Variants in VPS13B observed in about 807,000 individuals in gnomAD.
VPS13B encodes vacuolar protein sorting 13 homolog B, also known as intermembrane lipid transfer protein VPS13B.
A neutral mutation model predicts 426.4 loss-of-function variants in VPS13B; 285 were observed. The observed-to-expected ratio is 0.67, with a 90% CI of 0.61 to 0.74. The LOEUF is 0.74. Among genes scored for constraint, VPS13B ranks in the 30% least tolerant of loss-of-function variants. The pLI, the probability that VPS13B is intolerant of heterozygous loss-of-function variation, is 0.00. For synonymous variants in VPS13B, 1,676 were observed against 1,676.4 expected (o/e 1.00, Z 0.01); for missense variants, 4,537 against 4,782.6 (o/e 0.95, Z 1.51).
chr8:99,086,746 T>C (rs1019162669), intron 3 of VPS13B, among the ~76,000 whole-genome samples: 1 of 152,254 alleles, frequency 6.6e-6, no homozygotes, highest in African/African-American at 2.4e-5. Flanking sequence ...TGCCTGGGTA[T>C]CAGCAGCGGA....
At chr8:99,217,690 G>T (rs184301937) in intron 17 of VPS13B, among the ~76,000 whole-genome samples, 1 of 152,132 alleles carries the variant, frequency 6.6e-6, no homozygotes, top group Admixed American at 6.5e-5. Flanking sequence ...AAAGACACAT[G>T]AGTTGATTCC....
intron 23 of VPS13B, among the ~76,000 whole-genome samples, chr8:99,462,782 T>A (rs1818907215): frequency 6.6e-6 from 1 of 152,150 alleles, no homozygotes; most frequent in Non-Finnish European, 1.5e-5. Flanking sequence ...GCCAGTGGGA[T>A]TAGTACCTTA....
At chr8:99,017,609 C>T (rs1022060031) in intron 2 of VPS13B, among the ~76,000 whole-genome samples, 3 of 151,934 alleles carry the variant, frequency 2.0e-5, no homozygotes, top group Non-Finnish European at 4.4e-5. Context: ...TCTCCTGCTG[C>T]AGCCTCCGTA....
At chr8:99,090,231 T>C (rs1372728598) in intron 3 of VPS13B, among the ~76,000 whole-genome samples, 1 of 152,024 alleles carries the variant, frequency 6.6e-6, no homozygotes, top group Non-Finnish European at 1.5e-5. Flanking sequence ...TGCTGCCTAG[T>C]AACTGCTATT....
chr8:99,233,766 C>CATTTCTTCACATTTCTTCACAT, intron 17 of VPS13B: 1 of 779,276 alleles, frequency 1.3e-6, no homozygotes, highest in Non-Finnish European at 2.4e-6. Flanking sequence ...ACATTTCTGC[C>CATTTCTTCACATTTCTTCACAT]TTCTTTTCCA....
chr8:99,854,596 T>G (rs1816455686), intron 56 of VPS13B, among the ~76,000 whole-genome samples: 1 of 152,142 alleles, frequency 6.6e-6, no homozygotes, highest in African/African-American at 2.4e-5. Context: ...AACTTAGAAT[T>G]TTAGTTCAGT....
At chr8:99,194,987 A>G (rs1011003664) in intron 17 of VPS13B, among the ~76,000 whole-genome samples, 3 of 152,150 alleles carry the variant, frequency 2.0e-5, no homozygotes, top group African/African-American at 7.2e-5. Context: ...CTGGGACTAC[A>G]GGTGTGCACC....
chr8:99,351,431 A>AGTGTGTGTGTGTGTGT (rs1476078907), intron 19 of VPS13B, among the ~76,000 whole-genome samples: 8 of 147,524 alleles, frequency 5.4e-5, no homozygotes, highest in African/African-American at 2.0e-4. Flanking sequence ...AGAGAGAGAG[A>AGTGTGTGTGTGTGTGT]GAGAGTGTGT....
intron 17 of VPS13B, among the ~76,000 whole-genome samples, chr8:99,262,859 G>A (rs577503178): frequency 2.6e-5 from 4 of 151,838 alleles, no homozygotes; most frequent in Admixed American, 1.3e-4. Flanking sequence ...TGACCATGAC[G>A]CACTGAAGCC....
Position 99,871,685 on chromosome 8 carries a change from C to T in VPS13B, c.11733C>T (p.Ala3911=), listed in dbSNP as rs905155393. 6.2e-7 allele frequency: 1 copy of T among 1,613,664 alleles called. No individual in the cohort carries two copies. Among genetic ancestry groups the T allele is most frequent in the African/African-American group, 1.3e-5 (1 of 74,914 alleles). ...LTVQLKQPRV[A]CDVEVDGVRE... The stretch of plus-strand genomic sequence containing the variant: ...TGCAGCTCAAGCAGCCAAGAGTGGC[C>T]TGTGATGTGGAGGTACGTTTCAGAA... Residue 3911 remains alanine, a synonymous_variant, in exon 61 of 62, where the codon GCC becomes GCT. Transcript: ENST00000357162.
chr8:99,768,152 T>C (rs1383103288), intron 40 of VPS13B, among the ~76,000 whole-genome samples: 3 of 152,324 alleles, frequency 2.0e-5, no homozygotes, highest in East Asian at 1.9e-4. Flanking sequence ...TATACTATCA[T>C]GTGTACTGTG....
chr8:99,774,878 A>C (rs1588701061), intron 40 of VPS13B, among the ~76,000 whole-genome samples: 1 of 152,230 alleles, frequency 6.6e-6, no homozygotes, highest in Non-Finnish European at 1.5e-5. Context: ...ATTTTTGTGC[A>C]TAGTCAATAA....
At chr8:99,081,463 C>T (rs963919068) in intron 3 of VPS13B, among the ~76,000 whole-genome samples, 4 of 152,108 alleles carry the variant, frequency 2.6e-5, no homozygotes, top group South Asian at 2.1e-4. Context: ...TTAGGGTACA[C>T]GTGCACAACG....
At chr8:99,066,903 T>C (rs369229412) in intron 3 of VPS13B, among the ~76,000 whole-genome samples, 237 of 152,352 alleles carry the variant, frequency 1.6e-3, no homozygotes, top group African/African-American at 5.3e-3. Flanking sequence ...TGCTCATCAT[T>C]ACTGGTCATC....
At chr8:99,869,451 G>A (rs752147014) in intron 59 of VPS13B, among the ~76,000 whole-genome samples, 8 of 152,142 alleles carry the variant, frequency 5.3e-5, no homozygotes, top group African/African-American at 9.7e-5. Context: ...GCAGCCATCC[G>A]GAGAGCATCC....
At chr8:99,376,038 G>A (rs1813468048) in intron 19 of VPS13B, among the ~76,000 whole-genome samples, 1 of 152,304 alleles carries the variant, frequency 6.6e-6, no homozygotes. Flanking sequence ...TCAGCGTAGG[G>A]TGTAACTGCA....
chr8:99,719,766 CTACTG>C (rs1833063830), intron 37 of VPS13B, among the ~76,000 whole-genome samples: 1 of 152,118 alleles, frequency 6.6e-6, no homozygotes, highest in Admixed American at 6.5e-5. Context: ...TTCTGAAACT[CTACTG>C]TAGCTACTGT....
chr8:99,141,827 G>C (rs1305966227), intron 12 of VPS13B, among the ~76,000 whole-genome samples: 1 of 150,628 alleles, frequency 6.6e-6, no homozygotes, highest in Non-Finnish European at 1.5e-5. Flanking sequence ...GGCGGATCAT[G>C]AGGGCAGGAG....
chr8:99,842,282 T>C (rs1321337946), intron 54 of VPS13B, among the ~76,000 whole-genome samples: 1 of 152,072 alleles, frequency 6.6e-6, no homozygotes, highest in Non-Finnish European at 1.5e-5. Flanking sequence ...CAGCAAAAGA[T>C]GAGTGTGATA....
Sources: gnomAD v4.1 joint callset for allele counts (sites outside exome capture counted in the v4.1 genomes callset) on GRCh38, gnomAD v4.1.1 for gene constraint, MANE v1.5 for transcripts, NCBI Gene and HGNC (gene_info 2026-07-23, HGNC 2026-07-21) for gene names.